Variants in WTAP observed in about 807,000 individuals in gnomAD.
The protein encoded by WTAP is pre-mRNA-splicing regulator WTAP.
Under a neutral mutation model 50.0 loss-of-function variants are expected in WTAP, and 8 were observed. That is an observed-to-expected ratio of 0.16 (90% confidence interval 0.09 to 0.29). The LOEUF (loss-of-function observed/expected upper bound fraction) is 0.29. Among genes scored for constraint, WTAP ranks in the 10% least tolerant of loss-of-function variants. The probability of loss-of-function intolerance (pLI) is 1.00; values close to 1 mark genes in which losing one functional copy is unlikely to be tolerated. For missense variants in WTAP, 295 were observed against 470.7 expected, an observed-to-expected ratio of 0.63 and a Z score of 3.45; for synonymous variants, 194 against 169.0, an observed-to-expected ratio of 1.15 and a Z score of -1.15.
intron 4 of WTAP, 32 bp downstream of exon 4, chr6:159,742,178 A>G (rs1779296884): frequency 2.6e-6 from 4 of 1,517,186 alleles, no homozygotes; most frequent in African/African-American, 2.8e-5. Context: ...CTAAAGACTG[A>G]ATAATCTCCT....
At chr6:159,734,762 A>G (rs986243815) in intron 1 of WTAP, among the ~76,000 whole-genome samples, 5 of 152,252 alleles carry the variant, frequency 3.3e-5, no homozygotes, top group Admixed American at 6.5e-5. Context: ...ACTGGTACTC[A>G]GAACCCTGAT....
chr6:159,743,118 G>A (rs1779361560), intron 4 of WTAP, among the ~76,000 whole-genome samples: 1 of 152,248 alleles, frequency 6.6e-6, no homozygotes, highest in South Asian at 2.1e-4. Context: ...CACAATCTGG[G>A]CTTAGTGCAA....
upstream of WTAP, chr6:159,727,067 G>C (rs1778211927): frequency 8.2e-7 from 1 of 1,213,554 alleles, no homozygotes; most frequent in African/African-American, 1.6e-5. Context: ...CCCTTCCCGT[G>C]ATGCCCTGGG....
chr6:159,746,273 T>G (rs1779567998), intron 5 of WTAP, among the ~76,000 whole-genome samples: 1 of 152,136 alleles, frequency 6.6e-6, no homozygotes, highest in South Asian at 2.1e-4. Context: ...AGTGATGTAC[T>G]ATAGGAGTTT....
chr6:159,736,370 A>G (rs1043721638), intron 2 of WTAP, 75 bp downstream of exon 2: 3 of 1,170,718 alleles, frequency 2.6e-6, no homozygotes, highest in Non-Finnish European at 3.8e-6. Context: ...TTTAAAAAAA[A>G]ATAGACTTGA....
At chr6:159,727,732 A>G in intron 1 of WTAP, 29 bp downstream of exon 1, 1 of 985,390 alleles carries the variant, frequency 1.0e-6, no homozygotes, top group East Asian at 1.1e-4. Flanking sequence ...GCGGGAGCGG[A>G]CGCGGGGGAC....
At chr6:159,731,631 T>C (rs2114873490) in intron 1 of WTAP, among the ~76,000 whole-genome samples, 1 of 152,344 alleles carries the variant, frequency 6.6e-6, no homozygotes, top group South Asian at 2.1e-4. Context: ...CAAGAAACAC[T>C]GAGTCTGTGT....
At chr6:159,754,737 T>C (rs1414495939) in intron 7 of WTAP, among the ~76,000 whole-genome samples, 1 of 152,212 alleles carries the variant, frequency 6.6e-6, no homozygotes, top group Non-Finnish European at 1.5e-5. Context: ...CTGTACATGT[T>C]CAGTATAGAC....
chr6:159,748,306 A>G lies in WTAP; in HGVS notation c.389A>G (p.Gln130Arg). Residue 130 changes from glutamine (Q) to arginine (R), a missense_variant, in exon 6 of 8, where the codon CAG (glutamine) becomes CGG (arginine). Transcript: ENST00000621533. The surrounding 1 kb of genome is among the most constrained non-coding windows in gnomAD (Gnocchi z 5.6). ...FFLKMKGELEQTKDKLEQAQN... is the reference protein window; with the variant it reads ...FFLKMKGELERTKDKLEQAQN... ...CTAAAAATGAAAGGTGAACTGGAAC[A>G]GACTAAAGACAAACTGGAACAAGCC... 6.2e-7 allele frequency: 1 copy of G among 1,614,100 alleles called. No individual in the cohort carries two copies. Among genetic ancestry groups the G allele is most frequent in the South Asian group, 1.1e-5 (1 of 91,084 alleles).
intron 4 of WTAP, 129 bp downstream of exon 4, chr6:159,742,275 CA>C: frequency 1.4e-6 from 1 of 705,212 alleles, no homozygotes; most frequent in Non-Finnish European, 2.3e-6. Context: ...TGTACATAGG[CA>C]CTGTGTTGGG....
intron 1 of WTAP, among the ~76,000 whole-genome samples, chr6:159,727,947 G>A (rs573971871): frequency 1.3e-5 from 2 of 152,364 alleles, no homozygotes; most frequent in South Asian, 4.1e-4. Flanking sequence ...TGCTCTGGCG[G>A]CCGGAGAGAC....
At chr6:159,731,609 C>T (rs112099965) in intron 1 of WTAP, among the ~76,000 whole-genome samples, 5 of 152,314 alleles carry the variant, frequency 3.3e-5, no homozygotes, top group African/African-American at 1.2e-4. Context: ...TGGATTATCT[C>T]TTCAGGTTTT....
chr6:159,740,483 G>A (rs1381308680), intron 3 of WTAP, among the ~76,000 whole-genome samples: 2 of 152,020 alleles, frequency 1.3e-5, no homozygotes, highest in East Asian at 1.9e-4. Flanking sequence ...TGATATACAT[G>A]TTCTTGCTTC....
At position 159,731,575 on chromosome 6, in the gene WTAP, A is replaced by G. The variant is rs141834818; in HGVS notation, c.-9+3872A>G. On this transcript the variant is annotated intron_variant, in intron 1 of 7. Transcript: ENST00000621533. ...AAGTGTTAGAAACAGTCGGGAGGAC[A>G]GTATGATTATTATCCTCAACCTGTG... 9.8e-5 allele frequency among the ~76,000 whole-genome samples: 15 copies of G among 152,382 alleles called. No individual in the cohort carries two copies. The East Asian group carries it at 2.9e-3, about 29-fold the overall frequency.
At position 159,755,723 on chromosome 6, in the gene WTAP, G is replaced by GT. The variant is rs202118718; in HGVS notation, c.*121dup. On this transcript the variant is annotated 3_prime_UTR_variant, in exon 8 of 8. Transcript: ENST00000621533. ...TGCCTTTTTGTGGGTGTACGTTTTG[G>GT]TTTTTTTTTGTTGTTTTTTTTCTTT... is the stretch of plus-strand genomic sequence containing the variant. 13,088 of 823,304 alleles carry GT rather than the reference G, an allele frequency of 0.016. 93 individuals carry two copies. The highest frequency in any genetic ancestry group is 0.093 in the African/African-American group (2,956 of 31,746). The allele number at this position is 823,304 out of a possible 1,614,324, so 51.0% of individuals were successfully genotyped here. A position where few individuals can be genotyped will look rare whatever the true frequency, so the allele number is the denominator to read the frequency against.
At chr6:159,751,759 A>G (rs763271975) in intron 6 of WTAP, among the ~76,000 whole-genome samples, 75 of 152,332 alleles carry the variant, frequency 4.9e-4, no homozygotes, top group Non-Finnish European at 1.0e-3. Context: ...TCCTTGAATT[A>G]CATTAGGTTA....
intron 1 of WTAP, among the ~76,000 whole-genome samples, chr6:159,733,963 A>G (rs977296269): frequency 6.6e-6 from 1 of 152,230 alleles, no homozygotes; most frequent in African/African-American, 2.4e-5. Flanking sequence ...GTAATCTAAG[A>G]TCAATTTATG....
rs373306588 is a variant in WTAP at position 159,749,276 on chromosome 6, T to C, written c.452+907T>C. 78 of 985,860 alleles carry C rather than the reference T, an allele frequency of 7.9e-5. No homozygotes were observed. The East Asian group carries it at 5.1e-3, about 64-fold the overall frequency. The allele number at this position is 985,860 out of a possible 1,614,324, so 61.1% of individuals were successfully genotyped here. ...AGACTCACTGCATTATTTTTTTTAG[T>C]GAATTTTATGAAATCCCCGTTCCAT... On this transcript the variant is annotated intron_variant, in intron 6 of 7. Coordinates refer to ENST00000621533, the MANE Select transcript of WTAP (RefSeq NM_001270531.2).
intron 1 of WTAP, among the ~76,000 whole-genome samples, chr6:159,729,756 A>G (rs1778452165): frequency 6.6e-6 from 1 of 152,208 alleles, no homozygotes; most frequent in African/African-American, 2.4e-5. Flanking sequence ...GTACCTTGCT[A>G]CTACAGTGTC....
Sources: allele counts gnomAD v4.1 joint callset (sites outside exome capture counted in the v4.1 genomes callset), GRCh38; gene constraint gnomAD v4.1.1; non-coding constraint Gnocchi (gnomAD v3.1); transcripts MANE v1.5; gene names NCBI Gene and HGNC (gene_info 2026-07-23, HGNC 2026-07-21).